Variants in PRKN observed in about 807,000 individuals in gnomAD.
PRKN encodes the protein parkin RBR E3 ubiquitin protein ligase, also known as E3 ubiquitin-protein ligase parkin.
PRKN carries 56 observed loss-of-function variants against 59.5 expected under a neutral mutation model. The ratio of observed to expected loss-of-function variants is 0.94; its 90% CI spans 0.76 to 1.18. The LOEUF (loss-of-function observed/expected upper bound fraction) is 1.18. PRKN is among the 50% of genes most tolerant of loss of function. The probability of loss-of-function intolerance (pLI) is 0.00; values close to 1 mark genes in which losing one functional copy is unlikely to be tolerated. For synonymous variants in PRKN, 250 were observed against 222.1 expected (o/e 1.13, Z -1.12); for missense variants, 657 against 596.4 (o/e 1.10, Z -1.06).
chr6:162,509,904 AT>A (rs1377590623), intron 1 of PRKN, among the ~76,000 whole-genome samples: 1 of 152,162 alleles, frequency 6.6e-6, no homozygotes, highest in African/African-American at 2.4e-5. Context: ...CTCCTGGTGA[AT>A]TATACAACTA....
intron 6 of PRKN, among the ~76,000 whole-genome samples, chr6:161,838,723 T>C (rs1201421874): frequency 6.6e-6 from 1 of 152,190 alleles, no homozygotes; most frequent in Non-Finnish European, 1.5e-5. Flanking sequence ...TGCCACATAC[T>C]GCAGGGAGGA....
intron 9 of PRKN, among the ~76,000 whole-genome samples, chr6:161,482,403 T>C (rs1360552922): frequency 6.6e-6 from 1 of 152,198 alleles, no homozygotes; most frequent in Non-Finnish European, 1.5e-5. Flanking sequence ...TAAAAAGTTG[T>C]CCTTGTCCCT....
rs755903643 is a variant in PRKN at position 162,200,987 on chromosome 6, G to A, written c.534+144C>T. ...GACAAAGGCGCATAAACGAAACTTC[G>A]GCTATCATTAACTATCACAACCACA... On this transcript the variant is annotated intron_variant, in intron 4 of 11. Transcript: ENST00000366898. 1,014 of 911,876 alleles carry A rather than the reference G, an allele frequency of 1.1e-3. 4 individuals are homozygous for A. Among genetic ancestry groups the A allele is most frequent in the Non-Finnish European group, 1.2e-3 (689 of 576,744 alleles). 56.5% of individuals were successfully genotyped at this position (911,876 alleles called of 1,614,324 possible). A position where few individuals can be genotyped will look rare whatever the true frequency, so the allele number is the denominator to read the frequency against.
chr6:161,959,868 A>T (rs562505281), intron 6 of PRKN, among the ~76,000 whole-genome samples: 17 of 152,312 alleles, frequency 1.1e-4, no homozygotes, highest in African/African-American at 3.4e-4. Flanking sequence ...TTAGGAAATT[A>T]AAGTCACAGT....
intron 9 of PRKN, among the ~76,000 whole-genome samples, chr6:161,439,785 A>G (rs1238354221): frequency 6.6e-6 from 1 of 152,188 alleles, no homozygotes; most frequent in Non-Finnish European, 1.5e-5. Flanking sequence ...TTTGGCTTCA[A>G]TAAACATGTA....
intron 9 of PRKN, among the ~76,000 whole-genome samples, chr6:161,528,051 A>C (rs1779076505): frequency 6.6e-6 from 1 of 152,248 alleles, no homozygotes; most frequent in Non-Finnish European, 1.5e-5. Context: ...TTCTTCCTTC[A>C]AAATACTTAA....
chr6:162,359,281 A>C (rs2128133415), intron 2 of PRKN, among the ~76,000 whole-genome samples: 1 of 151,854 alleles, frequency 6.6e-6, no homozygotes, highest in East Asian at 1.9e-4. Context: ...TTGGTTTGTC[A>C]AGGACATTCG....
In PRKN at chr6:161,584,117, C is replaced by T. The variant is rs1268159911; in HGVS notation, c.872-14701G>A. On this transcript the variant is annotated intron_variant, in intron 7 of 11. Transcript: ENST00000366898. The surrounding 1 kb of genome is among the most constrained non-coding windows in gnomAD (Gnocchi z 4.8). ...TTGGTTGTATGTGTATTCATCTCTT[C>T]TTCCTTCCTGAGATGAAGCTTGGCA... Among the ~76,000 whole-genome samples, 1 of 152,194 alleles carries T rather than the reference C, an allele frequency of 6.6e-6. No individual in the cohort carries two copies. Among genetic ancestry groups the T allele is most frequent in the East Asian group, 1.9e-4 (1 of 5,192 alleles).
At chr6:162,071,675 C>T (rs1255009401) in intron 4 of PRKN, among the ~76,000 whole-genome samples, 2 of 151,422 alleles carry the variant, frequency 1.3e-5, no homozygotes, top group East Asian at 2.0e-4. Context: ...TGGCAAACTG[C>T]AACCTCTGCC....
chr6:162,652,826 T>G (rs1384850698), intron 1 of PRKN, among the ~76,000 whole-genome samples: 1 of 152,104 alleles, frequency 6.6e-6, no homozygotes, highest in Non-Finnish European at 1.5e-5. Flanking sequence ...TACAAAGAAT[T>G]GAGAACTAAC....
chr6:161,868,707 G>A (rs546571600), intron 6 of PRKN, among the ~76,000 whole-genome samples: 1 of 152,248 alleles, frequency 6.6e-6, no homozygotes, highest in East Asian at 1.9e-4. Flanking sequence ...TCATCACTAA[G>A]CAGACATTTT....
chr6:161,863,223 T>G (rs998528238), intron 6 of PRKN, among the ~76,000 whole-genome samples: 2 of 152,080 alleles, frequency 1.3e-5, no homozygotes, highest in Non-Finnish European at 2.9e-5. Context: ...AAAAGATTAT[T>G]CCACAAGATA....
chr6:162,624,848 G>A (rs902592173), intron 1 of PRKN, among the ~76,000 whole-genome samples: 6 of 152,208 alleles, frequency 3.9e-5, no homozygotes, highest in Admixed American at 1.3e-4. Flanking sequence ...AGAGAACACA[G>A]CAGGGATGTG....
chr6:162,240,309 T>A (rs1778932203), intron 3 of PRKN, among the ~76,000 whole-genome samples: 1 of 152,172 alleles, frequency 6.6e-6, no homozygotes, highest in South Asian at 2.1e-4. Flanking sequence ...CATCTTGCGG[T>A]ATAAAAGCTG....
chr6:162,341,507 C>T (rs1288583589), intron 2 of PRKN, among the ~76,000 whole-genome samples: 1 of 152,104 alleles, frequency 6.6e-6, no homozygotes, highest in Non-Finnish European at 1.5e-5. Context: ...GGAACAAACC[C>T]AAATGGCCAT....
chr6:161,493,081 G>C (rs1403423476), intron 9 of PRKN, among the ~76,000 whole-genome samples: 1 of 152,088 alleles, frequency 6.6e-6, no homozygotes, highest in Admixed American at 6.5e-5. Context: ...TAATAAAGTA[G>C]CTTCAAATTG....
chr6:161,822,590 T>A (rs1380142398), intron 6 of PRKN, among the ~76,000 whole-genome samples: 1 of 152,132 alleles, frequency 6.6e-6, no homozygotes, highest in East Asian at 1.9e-4. Flanking sequence ...GCAGGAGAAT[T>A]GCTTGAACCT....
At chr6:162,390,396 T>TATATACACACAC (rs1180636201) in intron 2 of PRKN, among the ~76,000 whole-genome samples, 1 of 84,118 alleles carries the variant, frequency 1.2e-5, no homozygotes, top group African/African-American at 4.5e-5. Context: ...TATATATATA[T>TATATACACACAC]ACACACACAC....
chr6:162,467,419 G>A (rs973527258), intron 1 of PRKN, among the ~76,000 whole-genome samples: 2 of 151,898 alleles, frequency 1.3e-5, no homozygotes, highest in East Asian at 1.9e-4. Flanking sequence ...CACTCCACCC[G>A]CTCCTCATCC....
Sources: allele counts gnomAD v4.1 joint callset (sites outside exome capture counted in the v4.1 genomes callset), GRCh38; gene constraint gnomAD v4.1.1; non-coding constraint Gnocchi (gnomAD v3.1); transcripts MANE v1.5; gene names NCBI Gene and HGNC (gene_info 2026-07-23, HGNC 2026-07-21).